The following CACNA2D3 variants were observed in gnomAD, a reference collection of about 807,000 sequenced individuals.
The protein encoded by CACNA2D3 is voltage-dependent calcium channel subunit alpha-2/delta-3.
Under a neutral mutation model 160.6 loss-of-function variants are expected in CACNA2D3, and 60 were observed. The ratio of observed to expected loss-of-function variants is 0.37; its 90% CI spans 0.30 to 0.46. The LOEUF (loss-of-function observed/expected upper bound fraction) is 0.46, where lower values mean the gene tolerates loss of function less well. Ranked by LOEUF, CACNA2D3 falls within the 20% of genes least tolerant of loss-of-function variation. The pLI is 1.00. For missense variants in CACNA2D3, 1,205 were observed against 1,365.0 expected, an observed-to-expected ratio of 0.88 and a Z score of 1.85; for synonymous variants, 558 against 492.9, an observed-to-expected ratio of 1.13 and a Z score of -1.75.
chr3:54,957,272 A>G (rs995711779), intron 27 of CACNA2D3, among the ~76,000 whole-genome samples: 5 of 151,668 alleles, frequency 3.3e-5, no homozygotes, highest in Non-Finnish European at 7.4e-5. Flanking sequence ...TGATCTTCCT[A>G]CGGAACTTAG....
intron 4 of CACNA2D3, among the ~76,000 whole-genome samples, chr3:54,462,296 C>T (rs966013600): frequency 6.6e-6 from 1 of 152,184 alleles, no homozygotes; most frequent in South Asian, 2.1e-4. Context: ...ATTAGGTCCA[C>T]TTGGTGCAGA....
At chr3:55,073,644 A>AAG in intron 36 of CACNA2D3, 87 bp downstream of exon 36, 1 of 1,287,248 alleles carries the variant, frequency 7.8e-7, no homozygotes, top group Non-Finnish European at 1.1e-6. Context: ...GAAATATTAG[A>AAG]GAAGGAAAAT....
intron 4 of CACNA2D3, among the ~76,000 whole-genome samples, chr3:54,445,960 A>G (rs1700216616): frequency 2.0e-5 from 3 of 152,184 alleles, no homozygotes; most frequent in Admixed American, 1.3e-4. Flanking sequence ...GCCCTAGCAT[A>G]TAGGTGACTG....
intron 29 of CACNA2D3, among the ~76,000 whole-genome samples, chr3:54,979,791 C>T (rs1284405123): frequency 6.6e-6 from 1 of 152,078 alleles, no homozygotes; most frequent in Non-Finnish European, 1.5e-5. Context: ...CATTCAATAG[C>T]ACTGTCAGAG....
At chr3:54,654,792 T>G (rs1407377263) in intron 11 of CACNA2D3, among the ~76,000 whole-genome samples, 1 of 152,156 alleles carries the variant, frequency 6.6e-6, no homozygotes, top group Non-Finnish European at 1.5e-5. Flanking sequence ...CCACCTAGGT[T>G]AATTTACTGC....
intron 35 of CACNA2D3, among the ~76,000 whole-genome samples, chr3:55,056,704 C>G (rs549382095): frequency 6.6e-6 from 1 of 152,200 alleles, no homozygotes; most frequent in South Asian, 2.1e-4. Context: ...AAGCCAGACA[C>G]AGAAAGACAA....
At chr3:55,011,513 AC>A (rs1703211461) in intron 34 of CACNA2D3, among the ~76,000 whole-genome samples, 1 of 152,256 alleles carries the variant, frequency 6.6e-6, no homozygotes, top group Non-Finnish European at 1.5e-5. Flanking sequence ...ATAAATTACA[AC>A]CCATCCACAG....
chr3:55,067,716 GATACATACATACATAC>G (rs59985203), intron 35 of CACNA2D3, among the ~76,000 whole-genome samples: 9 of 151,090 alleles, frequency 6.0e-5, no homozygotes, highest in African/African-American at 2.0e-4. Context: ...CCATGCATTA[GATACATACATACATAC>G]ATACATACAT....
chr3:54,858,491 T>C (rs1460748959), intron 17 of CACNA2D3, among the ~76,000 whole-genome samples: 3 of 152,204 alleles, frequency 2.0e-5, no homozygotes, highest in Admixed American at 1.3e-4. Flanking sequence ...TTAATTAAAA[T>C]GTTAACTGCC....
chr3:54,704,949 G>A (rs1030968770), intron 11 of CACNA2D3, among the ~76,000 whole-genome samples: 4 of 152,018 alleles, frequency 2.6e-5, no homozygotes, highest in African/African-American at 9.7e-5. Context: ...TGAAGTCAAA[G>A]TAATGGACTT....
At position 54,888,012 on chromosome 3, in the gene CACNA2D3, A is replaced by G. The variant is rs1477465267; in HGVS notation, c.2110A>G (p.Ile704Val). The G allele has an allele frequency of 6.2e-7, 1 of 1,613,742 alleles. No individual in the cohort carries two copies. The highest frequency in any genetic ancestry group is 8.5e-7 in the Non-Finnish European group (1 of 1,179,858). ...VLFDAVVSAP[I>V]EAYWTSLALN... ...TTTTGACGCGGTGGTGAGTGCCCCC[A>G]TTGAAGCGTATTGGACCAGCCTGGC... Residue 704 changes from isoleucine to valine, a missense_variant, in exon 24 of 38, where the codon ATT becomes GTT. Around this residue, in one of 3 missense-constraint regions of CACNA2D3, gnomAD observed 911 missense variants for 1,002.2 expected, o/e 0.91. Coordinates refer to ENST00000474759, the MANE Select transcript of CACNA2D3 (RefSeq NM_018398.3).
At chr3:54,295,706 A>G (rs929472593) in intron 2 of CACNA2D3, among the ~76,000 whole-genome samples, 3 of 152,226 alleles carry the variant, frequency 2.0e-5, no homozygotes, top group African/African-American at 4.8e-5. Context: ...AAGCAATCAG[A>G]TATCCATTTG....
At chr3:54,127,053 T>C (rs1470241964) in intron 2 of CACNA2D3, among the ~76,000 whole-genome samples, 6 of 152,210 alleles carry the variant, frequency 3.9e-5, no homozygotes, top group Admixed American at 3.9e-4. Flanking sequence ...GGCATTAAAC[T>C]GGCTGATTCT....
intron 27 of CACNA2D3, among the ~76,000 whole-genome samples, chr3:54,947,071 C>T (rs1472771983): frequency 6.6e-6 from 1 of 152,148 alleles, no homozygotes; most frequent in Non-Finnish European, 1.5e-5. Flanking sequence ...ATCTTCCATT[C>T]TAGGAAAATA....
At chr3:54,460,391 T>C (rs527427867) in intron 4 of CACNA2D3, among the ~76,000 whole-genome samples, 7 of 152,214 alleles carry the variant, frequency 4.6e-5, no homozygotes, top group African/African-American at 1.7e-4. Context: ...ACGATATTGA[T>C]TCTTCCTACC....
intron 4 of CACNA2D3, among the ~76,000 whole-genome samples, chr3:54,478,551 G>A (rs906726522): frequency 6.6e-6 from 1 of 150,862 alleles, no homozygotes; most frequent in South Asian, 2.1e-4. Context: ...AGAATGGTGT[G>A]AACCTGGGAG....
rs540608105 is a variant in CACNA2D3 at position 54,990,594 on chromosome 3, C to T, written c.2690+2841C>T. Among the ~76,000 whole-genome samples, 80 of 152,326 alleles carry T rather than the reference C, an allele frequency of 5.3e-4. 1 individual carries two copies. Among genetic ancestry groups the T allele is most frequent in the African/African-American group, 1.8e-3 (74 of 41,580 alleles). On this transcript the variant is annotated intron_variant, in intron 31 of 37. Coordinates refer to ENST00000474759, the MANE Select transcript of CACNA2D3 (RefSeq NM_018398.3). ...GCACAAGAACTCCACAAACCATCTT[C>T]TCCAGAAAGACAGAGCTCCAAGAGG...
At chr3:54,391,155 A>G (rs1245507942) in intron 4 of CACNA2D3, among the ~76,000 whole-genome samples, 1 of 152,224 alleles carries the variant, frequency 6.6e-6, no homozygotes, top group Non-Finnish European at 1.5e-5. Context: ...TGCAACATTC[A>G]TGTGCTTCAA....
chr3:54,981,460 CAG>C (rs1385716987), intron 29 of CACNA2D3, among the ~76,000 whole-genome samples: 1 of 151,696 alleles, frequency 6.6e-6, no homozygotes, highest in Non-Finnish European at 1.5e-5. Flanking sequence ...TTTACCTAAA[CAG>C]TGATTTTTAC....
Sources: gnomAD v4.1 joint callset for allele counts (sites outside exome capture counted in the v4.1 genomes callset) on GRCh38, gnomAD v4.1.1 for gene constraint, gnomAD v4.1.1 regional missense constraint, MANE v1.5 for transcripts, NCBI Gene and HGNC (gene_info 2026-07-23, HGNC 2026-07-21) for gene names.